Variants in LMX1A observed in about 807,000 individuals in gnomAD.
LMX1A encodes LIM homeobox transcription factor 1 alpha.
Under a neutral mutation model 49.1 loss-of-function variants are expected in LMX1A, and 15 were observed. That is an observed-to-expected ratio of 0.31 (90% CI 0.20 to 0.47). LMX1A has a LOEUF of 0.47. Among genes scored for constraint, LMX1A ranks in the 20% least tolerant of loss-of-function variants. The probability of loss-of-function intolerance (pLI) is 1.00; values close to 1 mark genes in which losing one functional copy is unlikely to be tolerated. For missense variants in LMX1A, 372 were observed against 475.8 expected, an observed-to-expected ratio of 0.78 and a Z score of 2.03; for synonymous variants, 167 against 185.7, an observed-to-expected ratio of 0.90 and a Z score of 0.82.
chr1:165,305,479 G>A (rs986293041), intron 3 of LMX1A, among the ~76,000 whole-genome samples: 2 of 152,146 alleles, frequency 1.3e-5, no homozygotes, highest in African/African-American at 2.4e-5. Context: ...GACCCAGTAG[G>A]CCAAATATCA....
At chr1:165,271,391 T>C (rs1653789251) in intron 3 of LMX1A, among the ~76,000 whole-genome samples, 1 of 152,208 alleles carries the variant, frequency 6.6e-6, no homozygotes, top group Non-Finnish European at 1.5e-5. Context: ...ACCAACACAG[T>C]ATCACATACC....
chr1:165,223,855 GT>G (rs1033948513), intron 4 of LMX1A, among the ~76,000 whole-genome samples: 2 of 151,348 alleles, frequency 1.3e-5, no homozygotes, highest in African/African-American at 4.9e-5. Flanking sequence ...TAAAGATTCT[GT>G]TTTGACCTAC....
At chr1:165,296,843 T>C (rs1654635190) in intron 3 of LMX1A, among the ~76,000 whole-genome samples, 1 of 152,270 alleles carries the variant, frequency 6.6e-6, no homozygotes, top group South Asian at 2.1e-4. Context: ...TTATTGTGTA[T>C]ATTACAAGAA....
At chr1:165,216,651 C>G (rs1445986136) in intron 4 of LMX1A, among the ~76,000 whole-genome samples, 1 of 143,466 alleles carries the variant, frequency 7.0e-6, no homozygotes, top group Non-Finnish European at 1.5e-5. Flanking sequence ...TTCAATAAAA[C>G]AGTACTTGCA....
At chr1:165,349,578 T>C (rs771138298) in intron 3 of LMX1A, among the ~76,000 whole-genome samples, 2 of 152,208 alleles carry the variant, frequency 1.3e-5, no homozygotes, top group South Asian at 2.1e-4. Context: ...TTAATTTCTA[T>C]ACATTAGTAA....
intron 4 of LMX1A, among the ~76,000 whole-genome samples, chr1:165,248,609 G>C (rs1329808389): frequency 6.6e-6 from 1 of 152,188 alleles, no homozygotes; most frequent in East Asian, 1.9e-4. Flanking sequence ...GGCAGTAAGA[G>C]GGAGGGTCGA....
At chr1:165,331,810 A>G (rs1380729184) in intron 3 of LMX1A, among the ~76,000 whole-genome samples, 1 of 152,132 alleles carries the variant, frequency 6.6e-6, no homozygotes, top group East Asian at 1.9e-4. Context: ...CCAGATACAC[A>G]GGAGGCTGAG....
At chr1:165,215,527 C>T (rs1312804994) in intron 4 of LMX1A, among the ~76,000 whole-genome samples, 1 of 152,180 alleles carries the variant, frequency 6.6e-6, no homozygotes, top group Non-Finnish European at 1.5e-5. Flanking sequence ...GTGAGCTACA[C>T]ATCCTTTTTC....
At chr1:165,229,951 A>G (rs1652182461) in intron 4 of LMX1A, among the ~76,000 whole-genome samples, 1 of 152,126 alleles carries the variant, frequency 6.6e-6, no homozygotes, top group Non-Finnish European at 1.5e-5. Context: ...CCTAAGCTCT[A>G]ATGTGATTGT....
chr1:165,283,364 A>G (rs1405550086), intron 3 of LMX1A, among the ~76,000 whole-genome samples: 1 of 152,232 alleles, frequency 6.6e-6, no homozygotes, highest in Non-Finnish European at 1.5e-5. Context: ...TCCTAACAAC[A>G]GATCTCTCAG....
In LMX1A at chr1:165,280,905, A is replaced by T. The variant is rs971480145; in HGVS notation, c.264-31265T>A. Among the ~76,000 whole-genome samples, 3 of 152,250 alleles carry T rather than the reference A, an allele frequency of 2.0e-5. No homozygotes were observed. The East Asian group carries it at 5.8e-4, about 29-fold the overall frequency. On this transcript the variant is annotated intron_variant, in intron 3 of 8. Transcript: ENST00000342310. ...CTGTGCATTGGATAGGGCCTTCGTA[A>T]CAGTCAATGGGGGGCAGAAACTTAA... is the stretch of plus-strand genomic sequence containing the variant.
intron 2 of LMX1A, among the ~76,000 whole-genome samples, chr1:165,353,577 T>C (rs1166185250): frequency 1.3e-5 from 2 of 152,240 alleles, no homozygotes; most frequent in African/African-American, 4.8e-5. Flanking sequence ...TTAAATTACA[T>C]ACAAATTTGT....
At chr1:165,318,845 C>T (rs759409679) in intron 3 of LMX1A, among the ~76,000 whole-genome samples, 3 of 152,086 alleles carry the variant, frequency 2.0e-5, no homozygotes, top group Admixed American at 6.6e-5. Flanking sequence ...CTGATGGCAT[C>T]GATGAGCCAC....
intron 3 of LMX1A, among the ~76,000 whole-genome samples, chr1:165,292,084 A>AAAAT (rs1454930877): frequency 6.9e-6 from 1 of 145,956 alleles, no homozygotes; most frequent in African/African-American, 2.6e-5. Flanking sequence ...AAAAAAAAAA[A>AAAAT]ACAATATGCT....
At chr1:165,213,261 A>C (rs1473597453) in intron 5 of LMX1A, 3 of 173,226 alleles carry the variant, frequency 1.7e-5, no homozygotes, top group Admixed American at 6.1e-5. Flanking sequence ...CCACCACACC[A>C]AGTGGAAAAA....
rs751262846 is a variant in LMX1A at position 165,353,156 on chromosome 1, C to T, written c.183G>A (p.Gln61=). Residue 61 remains glutamine, a synonymous_variant, in exon 3 of 9, where the codon CAG becomes CAA. Coordinates refer to ENST00000342310, the MANE Select transcript of LMX1A (RefSeq NM_177398.4). ...CCAGGGGCTCTTTGCAGGAGGCGCA[C>T]TGCACGCACTGCTCATGCCAGAAGC... is the stretch of plus-strand genomic sequence containing the variant. The part of the protein sequence containing the change: ...NDSFWHEQCV[Q]CASCKEPLET... The T allele has an allele frequency of 6.2e-7, 1 of 1,614,172 alleles. No homozygotes were observed. The highest frequency in any genetic ancestry group is 1.7e-5 in the Admixed American group (1 of 60,028).
intron 3 of LMX1A, among the ~76,000 whole-genome samples, chr1:165,309,311 A>G (rs1452021497): frequency 6.6e-6 from 1 of 152,024 alleles, no homozygotes; most frequent in East Asian, 1.9e-4. Flanking sequence ...GATACATGGG[A>G]TCAACTTTAA....
In LMX1A at chr1:165,355,734, G is replaced by C. The variant is rs1249196526; in HGVS notation, c.-22-153C>G. The C allele has an allele frequency of 5.4e-5, 34 of 624,020 alleles. No individual in the cohort carries two copies. Among genetic ancestry groups the C allele is most frequent in the Non-Finnish European group, 9.1e-5 (32 of 350,384 alleles). The allele number at this position is 624,020 out of a possible 1,614,324, so 38.7% of individuals were successfully genotyped here. A position where few individuals can be genotyped will look rare whatever the true frequency, so the allele number is the denominator to read the frequency against. ...GTCCAGCCAAGAGAATGTAGGGTGG[G>C]AGGAGAGATCAGTCACAGCGAACTG... is the stretch of plus-strand genomic sequence containing the variant. On this transcript the variant is annotated intron_variant, in intron 1 of 8. Coordinates refer to ENST00000342310, the MANE Select transcript of LMX1A (RefSeq NM_177398.4). This position sits in a 1 kb window ranked among gnomAD's most constrained non-coding sequence, Gnocchi z 4.7.
At chr1:165,284,790 G>T (rs900452284) in intron 3 of LMX1A, among the ~76,000 whole-genome samples, 2 of 152,218 alleles carry the variant, frequency 1.3e-5, no homozygotes, top group African/African-American at 4.8e-5. Context: ...GCACCCTCAT[G>T]GGAAGAAAAG....
Sources: gnomAD v4.1 joint callset for allele counts (sites outside exome capture counted in the v4.1 genomes callset) on GRCh38, gnomAD v4.1.1 for gene constraint, Gnocchi (gnomAD v3.1) non-coding constraint, MANE v1.5 for transcripts, NCBI Gene and HGNC (gene_info 2026-07-23, HGNC 2026-07-21) for gene names.